GABBR2: variants seen among roughly 807,000 people sequenced by gnomAD.
GABBR2 encodes gamma-aminobutyric acid type B receptor subunit 2.
Under a neutral mutation model 105.6 loss-of-function variants are expected in GABBR2, and 23 were observed. The ratio of observed to expected loss-of-function variants is 0.22; its 90% confidence interval spans 0.16 to 0.31. The LOEUF is 0.31. Among genes scored for constraint, GABBR2 ranks in the 10% least tolerant of loss-of-function variants. The pLI, the probability that GABBR2 is intolerant of heterozygous loss-of-function variation, is 1.00. For synonymous variants in GABBR2, 478 were observed against 499.7 expected (o/e 0.96, Z 0.58); for missense variants, 734 against 1,245.5 (o/e 0.59, Z 6.18).
intron 11 of GABBR2, among the ~76,000 whole-genome samples, chr9:98,384,943 C>A (rs576351467): frequency 2.0e-5 from 3 of 152,194 alleles, no homozygotes; most frequent in African/African-American, 4.8e-5. Flanking sequence ...AAGGAAAAAA[C>A]CGTTGAAGAA....
intron 2 of GABBR2, among the ~76,000 whole-genome samples, chr9:98,545,985 C>T (rs1011363831): frequency 1.3e-5 from 2 of 152,168 alleles, no homozygotes; most frequent in Admixed American, 6.5e-5. Context: ...GTGATTGAGG[C>T]TTTGAGTTAA....
intron 7 of GABBR2, among the ~76,000 whole-genome samples, chr9:98,428,518 C>T (rs1301982965): frequency 1.3e-5 from 2 of 152,066 alleles, no homozygotes; most frequent in Non-Finnish European, 2.9e-5. Context: ...GGAGAAAATG[C>T]GTGTAAGGAA....
chr9:98,693,833 G>T (rs1830715110), intron 1 of GABBR2, among the ~76,000 whole-genome samples: 1 of 152,210 alleles, frequency 6.6e-6, no homozygotes, highest in Admixed American at 6.5e-5. Context: ...CTCCATTGTG[G>T]ACACAAGGTT....
At chr9:98,353,614 T>C (rs62574340) in intron 13 of GABBR2, among the ~76,000 whole-genome samples, 11,906 of 152,280 alleles carry the variant, frequency 0.078, 600 homozygotes, top group African/African-American at 0.13. Context: ...CCTTGATCCA[T>C]GGACTGCAGA....
chr9:98,358,094 C>T (rs1453488963), intron 13 of GABBR2, among the ~76,000 whole-genome samples: 2 of 152,176 alleles, frequency 1.3e-5, no homozygotes, highest in Admixed American at 6.5e-5. Flanking sequence ...TACCATAGTG[C>T]ACGTATCCAT....
intron 3 of GABBR2, among the ~76,000 whole-genome samples, chr9:98,499,181 G>A (rs1393488988): frequency 6.6e-6 from 1 of 152,240 alleles, no homozygotes; most frequent in Non-Finnish European, 1.5e-5. Context: ...CAAATGGCAA[G>A]GCATCAAGGC....
chr9:98,328,930 C>T (rs1830974106), intron 13 of GABBR2, among the ~76,000 whole-genome samples: 1 of 152,298 alleles, frequency 6.6e-6, no homozygotes, highest in African/African-American at 2.4e-5. Context: ...CTCAATTCTG[C>T]CACTTACAAA....
intron 17 of GABBR2, among the ~76,000 whole-genome samples, chr9:98,297,008 T>A (rs1185075944): frequency 6.6e-6 from 1 of 152,134 alleles, no homozygotes; most frequent in Non-Finnish European, 1.5e-5. Flanking sequence ...TTCTAGTACT[T>A]TCATGTTTTC....
intron 7 of GABBR2, among the ~76,000 whole-genome samples, chr9:98,408,142 C>T (rs550418469): frequency 6.6e-6 from 1 of 152,246 alleles, no homozygotes; most frequent in African/African-American, 2.4e-5. Flanking sequence ...ATGTTAAGCA[C>T]CAGAGAGCTT....
chr9:98,315,228 G>A (rs1830695258), intron 13 of GABBR2, among the ~76,000 whole-genome samples: 1 of 152,144 alleles, frequency 6.6e-6, no homozygotes, highest in Non-Finnish European at 1.5e-5. Context: ...TGGCAGGAGG[G>A]TAGCAAACAA....
chr9:98,293,627 T>A (rs1588084397), intron 18 of GABBR2, among the ~76,000 whole-genome samples, 158 bp downstream of exon 18: 1 of 152,370 alleles, frequency 6.6e-6, no homozygotes, highest in East Asian at 1.9e-4. Flanking sequence ...TATTAGTTTT[T>A]CATCTGTAAA....
intron 7 of GABBR2, among the ~76,000 whole-genome samples, chr9:98,441,714 G>A (rs1341551377): frequency 6.6e-6 from 1 of 152,186 alleles, no homozygotes; most frequent in African/African-American, 2.4e-5. Context: ...TGATGAGAAA[G>A]TTCTGGAGAT....
In GABBR2 at chr9:98,607,296, A is replaced by G. The variant is rs887524671; in HGVS notation, c.322-29224T>C. 1.6e-5 allele frequency: 14 copies of G among 868,616 alleles called. No individual in the cohort carries two copies. The African/African-American group carries it at 1.8e-4, about 11-fold the overall frequency. The allele number at this position is 868,616 out of a possible 1,614,324, so 53.8% of individuals were successfully genotyped here. On this transcript the variant is annotated intron_variant, in intron 1 of 18. Transcript: ENST00000259455. ...TGTGAACGGACGTCAGATGCCTGAT[A>G]ACGGTGTAGCGTTGTTTATACTTCA...
chr9:98,447,533 ATGTATG>A (rs202141042), intron 7 of GABBR2, among the ~76,000 whole-genome samples: 11,906 of 104,992 alleles, frequency 0.11, 573 homozygotes, highest in South Asian at 0.32. Context: ...TGTAACTAGT[ATGTATG>A]TGTGTGTGTG....
intron 6 of GABBR2, among the ~76,000 whole-genome samples, chr9:98,466,563 G>A (rs550812402): frequency 3.6e-4 from 55 of 152,182 alleles, no homozygotes; most frequent in Non-Finnish European, 7.1e-4. Context: ...TTCCTATCCT[G>A]AAAAGGAAGA....
At chr9:98,550,161 C>T (rs1254284881) in intron 2 of GABBR2, among the ~76,000 whole-genome samples, 1 of 152,154 alleles carries the variant, frequency 6.6e-6, no homozygotes, top group African/African-American at 2.4e-5. Context: ...CAAGTCTTCC[C>T]AGTTATCCCA....
intron 4 of GABBR2, among the ~76,000 whole-genome samples, chr9:98,491,910 A>C (rs1274463308): frequency 6.6e-6 from 1 of 152,148 alleles, no homozygotes; most frequent in Non-Finnish European, 1.5e-5. Context: ...TCAGCTGTAA[A>C]GTATGCCATC....
chr9:98,535,467 A>C (rs182120733), intron 3 of GABBR2, among the ~76,000 whole-genome samples: 53 of 148,832 alleles, frequency 3.6e-4, no homozygotes, highest in Middle Eastern at 3.4e-3. Flanking sequence ...AAATAACACA[A>C]AAAAAAACCC....
intron 13 of GABBR2, among the ~76,000 whole-genome samples, chr9:98,346,574 T>C (rs970488946): frequency 2.6e-5 from 4 of 152,340 alleles, no homozygotes; most frequent in Middle Eastern, 6.8e-3. Flanking sequence ...CTTTATATTG[T>C]GAACATTCAA....
Sources: allele counts gnomAD v4.1 joint callset (sites outside exome capture counted in the v4.1 genomes callset), GRCh38; gene constraint gnomAD v4.1.1; transcripts MANE v1.5; gene names NCBI Gene and HGNC (gene_info 2026-07-23, HGNC 2026-07-21).